The following SAXO1 variants were observed in gnomAD, a reference collection of about 807,000 sequenced individuals.
SAXO1 encodes 4930500O09Rik.
SAXO1 carries 21 observed loss-of-function variants against 17.5 expected under a neutral mutation model. That is an observed-to-expected ratio of 1.20 (90% CI 0.85 to 1.72). SAXO1 has a LOEUF of 1.72. Among genes scored for constraint, SAXO1 ranks in the 40% most tolerant of loss-of-function variants. The pLI, the probability that SAXO1 is intolerant of heterozygous loss-of-function variation, is 0.00. For missense variants in SAXO1, 843 were observed against 596.0 expected, an observed-to-expected ratio of 1.41 and a Z score of -4.32; for synonymous variants, 274 against 216.5, an observed-to-expected ratio of 1.27 and a Z score of -2.33.
chr9:18,996,006 G>A (rs1373841560), intron 1 of SAXO1, among the ~76,000 whole-genome samples: 2 of 150,780 alleles, frequency 1.3e-5, no homozygotes, highest in African/African-American at 4.9e-5. Flanking sequence ...TTGAATCCAG[G>A]AGGTGGAGGT....
chr9:19,044,835 C>A (rs1460425820), intron 1 of SAXO1, among the ~76,000 whole-genome samples: 7 of 151,360 alleles, frequency 4.6e-5, no homozygotes, highest in African/African-American at 1.7e-4. Flanking sequence ...TGCACTCCAG[C>A]CCGGGTGAGA....
chr9:18,973,465 G>A (rs375387703), intron 1 of SAXO1, among the ~76,000 whole-genome samples: 19 of 152,308 alleles, frequency 1.2e-4, no homozygotes, highest in African/African-American at 4.3e-4. Context: ...TCTCTAGAGC[G>A]TTGCCTTGTA....
intron 1 of SAXO1, among the ~76,000 whole-genome samples, chr9:18,960,025 G>C (rs1199010082): frequency 2.0e-5 from 3 of 152,216 alleles, no homozygotes; most frequent in African/African-American, 7.2e-5. Flanking sequence ...CACGAGGGAT[G>C]CCAGCAAGAG....
intron 1 of SAXO1, among the ~76,000 whole-genome samples, chr9:18,980,695 A>C (rs907385571): frequency 7.6e-5 from 11 of 145,406 alleles, no homozygotes; most frequent in African/African-American, 2.8e-4. Context: ...GCAAGTCACA[A>C]AATTTTTAAA....
rs894362134 is a variant in SAXO1, at chr9:18,928,570, G to T, written c.907C>A (p.Leu303Ile). 6.2e-7 allele frequency: 1 copy of T among 1,614,190 alleles called. No homozygotes were observed. The highest frequency in any genetic ancestry group is 2.2e-5 in the East Asian group (1 of 44,876). ...TYVPPEDRMD[L>I]LTTVQAHYTC... ...TAATGGGCCTGCACTGTTGTCAGAA[G>T]ATCCATCCTGTCTTCGGGAGGGACG... The change falls in exon 4 of 4, where the codon CTT (leucine) becomes ATT (isoleucine). Residue 303 changes from leucine (L) to isoleucine (I), a missense_variant. Coordinates refer to ENST00000380534, the MANE Select transcript of SAXO1 (RefSeq NM_153707.4).
At chr9:18,992,188 AAACT>A (rs1833841277) in intron 1 of SAXO1, among the ~76,000 whole-genome samples, 1 of 152,222 alleles carries the variant, frequency 6.6e-6, no homozygotes, top group Admixed American at 6.5e-5. Flanking sequence ...AAAGTCTCAG[AAACT>A]GAGTGGTTGA....
At chr9:19,021,726 T>C (rs1296914402) in intron 1 of SAXO1, among the ~76,000 whole-genome samples, 1 of 152,206 alleles carries the variant, frequency 6.6e-6, no homozygotes, top group Non-Finnish European at 1.5e-5. Flanking sequence ...TGGAGAACTT[T>C]TGTGTCTAGC....
At chr9:18,986,522 C>A (rs1044146864) in intron 1 of SAXO1, among the ~76,000 whole-genome samples, 1 of 151,874 alleles carries the variant, frequency 6.6e-6, no homozygotes, top group African/African-American at 2.4e-5. Flanking sequence ...GTATTTGCCA[C>A]AGCAAATAAA....
At chr9:18,999,925 C>T (rs1357978187) in intron 1 of SAXO1, among the ~76,000 whole-genome samples, 3 of 141,812 alleles carry the variant, frequency 2.1e-5, no homozygotes, top group Admixed American at 7.1e-5. Flanking sequence ...CGCCTCTGCC[C>T]GGCCGCCACA....
chr9:19,047,717 A>T (rs1588582809), intron 1 of SAXO1, among the ~76,000 whole-genome samples: 1 of 152,352 alleles, frequency 6.6e-6, no homozygotes, highest in East Asian at 1.9e-4. Context: ...TCTGAGGAAA[A>T]ATTATGTCCA....
intron 2 of SAXO1, among the ~76,000 whole-genome samples, chr9:18,948,283 A>G (rs1342934949): frequency 6.6e-6 from 1 of 152,234 alleles, no homozygotes; most frequent in African/African-American, 2.4e-5. Context: ...AAATTGTGGT[A>G]GAAAAGAGAA....
In SAXO1 at chr9:18,928,628, C is replaced by A; in HGVS notation, c.849G>T (p.Met283Ile). 6.2e-7 allele frequency: 1 copy of A among 1,614,116 alleles called. No homozygotes were observed. Among genetic ancestry groups the A allele is most frequent in the Admixed American group, 1.7e-5 (1 of 60,016 alleles). The change falls in exon 4 of 4, where the codon ATG becomes ATT. Residue 283 changes from methionine to isoleucine, a missense_variant. Coordinates refer to ENST00000380534, the MANE Select transcript of SAXO1 (RefSeq NM_153707.4). ...TGGGAGCTTTGGAGAACATCCGGGGCATTGGCCAAGCTTGGTACTTATCTC... is the reference window on the plus strand; with the variant it reads ...TGGGAGCTTTGGAGAACATCCGGGGAATTGGCCAAGCTTGGTACTTATCTC... The part of the protein sequence containing the change: ...EFRDKYQAWP[M>I]PRMFSKAPIT...
At position 19,005,234 on chromosome 9, in the gene SAXO1, G is replaced by A. The variant is rs145524989; in HGVS notation, c.38+27637C>T. 3.9e-5 allele frequency among the ~76,000 whole-genome samples: 6 copies of A among 152,094 alleles called. No homozygotes were observed. In the East Asian group the frequency reaches 9.7e-4, roughly 24 times the overall value. ...CAAAGTGATCTACAGATTCAATCAA[G>A]CCCTATCAAAATCTGTGGCCTTTTT... On this transcript the variant is annotated intron_variant, in intron 1 of 3. Transcript: ENST00000380534.
intron 1 of SAXO1, among the ~76,000 whole-genome samples, chr9:19,007,009 C>G (rs537663643): frequency 6.6e-6 from 1 of 151,852 alleles, no homozygotes; most frequent in Non-Finnish European, 1.5e-5. Context: ...TGCACCACTG[C>G]ACTCCAGCCT....
At chr9:19,039,711 G>A (rs1019704849) in intron 1 of SAXO1, among the ~76,000 whole-genome samples, 1 of 152,154 alleles carries the variant, frequency 6.6e-6, no homozygotes, top group African/African-American at 2.4e-5. Context: ...TTATGTCTTT[G>A]AAAGAGATGC....
At chr9:19,027,299 T>C in intron 1 of SAXO1, 2 of 856,454 alleles carry the variant, frequency 2.3e-6, no homozygotes, top group Non-Finnish European at 4.1e-6. Context: ...ACCTGGTGGG[T>C]GTGAACAAAG....
chr9:19,023,046 C>A lies in SAXO1; in HGVS notation c.38+9825G>T, dbSNP rs2131024359. 2.0e-5 allele frequency among the ~76,000 whole-genome samples: 3 copies of A among 152,240 alleles called. No homozygotes were observed. The Middle Eastern group carries it at 0.01, about 518-fold the overall frequency. On this transcript the variant is annotated intron_variant, in intron 1 of 3. Coordinates refer to ENST00000380534, the MANE Select transcript of SAXO1 (RefSeq NM_153707.4). The stretch of plus-strand genomic sequence containing the variant: ...TCAAGTGTAGGCATCCCAGAAAGGG[C>A]AGAGAGCCTCCCAGAGTATAAGGAG...
At chr9:18,930,826 G>A (rs931402024) in intron 3 of SAXO1, among the ~76,000 whole-genome samples, 12 of 152,130 alleles carry the variant, frequency 7.9e-5, no homozygotes, top group Admixed American at 2.6e-4. Context: ...CAAAATACTT[G>A]ACTAACATCC....
chr9:18,970,663 G>A (rs933333290), intron 1 of SAXO1, among the ~76,000 whole-genome samples: 1 of 152,118 alleles, frequency 6.6e-6, no homozygotes, highest in Non-Finnish European at 1.5e-5. Context: ...ACTTGAGTGG[G>A]GCCAAAAGGC....
Sources: allele counts gnomAD v4.1 joint callset (sites outside exome capture counted in the v4.1 genomes callset), GRCh38; gene constraint gnomAD v4.1.1; transcripts MANE v1.5; gene names NCBI Gene and HGNC (gene_info 2026-07-23, HGNC 2026-07-21).